The following DAPK1 variants were observed in gnomAD, a reference collection of about 807,000 sequenced individuals.
DAPK1 encodes death associated protein kinase 1, also known as death-associated protein kinase 1.
Under a neutral mutation model 144.9 loss-of-function variants are expected in DAPK1, and 56 were observed. The observed-to-expected ratio is 0.39, with a 90% CI of 0.31 to 0.48. The LOEUF is 0.48. Ranked by LOEUF, DAPK1 falls within the 20% of genes least tolerant of loss-of-function variation. The pLI is 0.95. For missense variants in DAPK1, 1,454 were observed against 1,875.4 expected (o/e 0.78, Z 4.15); for synonymous variants, 690 against 749.0 (o/e 0.92, Z 1.29).
chr9:87,567,194 C>T (rs1827160784), intron 2 of DAPK1, among the ~76,000 whole-genome samples: 1 of 152,198 alleles, frequency 6.6e-6, no homozygotes, highest in South Asian at 2.1e-4. Flanking sequence ...CTTGGCCTCT[C>T]CTCCCGTGGT....
rs574541203 is a variant in DAPK1, at chr9:87,535,422, G to A, written c.62+36283G>A. 3.3e-5 allele frequency among the ~76,000 whole-genome samples: 5 copies of A among 152,244 alleles called. No homozygotes were observed. The South Asian group carries it at 1.0e-3, about 32-fold the overall frequency. On this transcript the variant is annotated intron_variant, in intron 2 of 25. Coordinates refer to ENST00000408954, the MANE Select transcript of DAPK1 (RefSeq NM_004938.4). ...ATATTGAATTACATAAAAATTATAA[G>A]CCCTGCTAAGCTTTGAGTGTGATTA...
intron 11 of DAPK1, among the ~76,000 whole-genome samples, chr9:87,644,775 G>A (rs894893269): frequency 6.6e-6 from 1 of 152,192 alleles, no homozygotes; most frequent in African/African-American, 2.4e-5. Context: ...CAAGGGTCTT[G>A]TAGGAGCTCC....
At position 87,707,162 on chromosome 9, in the gene DAPK1, A is replaced by G; in HGVS notation, c.4091A>G (p.Glu1364Gly). ...LPSPLHALLR[E>G]WTTYPESTVG... ...AGCCCCCTCCACGCCCTGCTGCGGG[A>G]ATGGACCACCTACCCTGAGAGCACA... Residue 1364 changes from glutamate (E) to glycine (G), a missense_variant, in exon 26 of 26, where the codon GAA (glutamate) becomes GGA (glycine). This residue lies in a region of DAPK1 where 1,025 missense variants were observed against 1,237.9 expected (regional missense o/e 0.83). Coordinates refer to ENST00000408954, the MANE Select transcript of DAPK1 (RefSeq NM_004938.4). This position sits in a 1 kb window ranked among gnomAD's most constrained non-coding sequence, Gnocchi z 4.0. 1 of 1,613,626 alleles carries G rather than the reference A, an allele frequency of 6.2e-7. No homozygotes were observed. Among genetic ancestry groups the G allele is most frequent in the Non-Finnish European group, 8.5e-7 (1 of 1,179,634 alleles).
intron 2 of DAPK1, among the ~76,000 whole-genome samples, chr9:87,501,445 T>C (rs1275253171): frequency 6.6e-6 from 1 of 152,168 alleles, no homozygotes; most frequent in Non-Finnish European, 1.5e-5. Flanking sequence ...TTTGGGAGGC[T>C]GAGGCATGAG....
intron 21 of DAPK1, among the ~76,000 whole-genome samples, chr9:87,689,983 T>C (rs576286310): frequency 6.6e-6 from 1 of 152,288 alleles, no homozygotes; most frequent in East Asian, 1.9e-4. Flanking sequence ...CTTTGGCTGT[T>C]TGGCCACTGT....
intron 2 of DAPK1, among the ~76,000 whole-genome samples, chr9:87,598,383 G>C (rs1033887854): frequency 6.6e-6 from 1 of 152,132 alleles, no homozygotes; most frequent in African/African-American, 2.4e-5. Context: ...AGAATTCATC[G>C]TAATACTAGT....
At position 87,706,180 on chromosome 9, in the gene DAPK1, C is replaced by G. The variant is rs757537404; in HGVS notation, c.3109C>G (p.Pro1037Ala). 1.2e-6 allele frequency: 2 copies of G among 1,609,652 alleles called. No individual in the cohort carries two copies. Among genetic ancestry groups the G allele is most frequent in the South Asian group, 2.2e-5 (2 of 90,938 alleles). ...ETVQDVLLLD[P>A]RWLCTNVLGK... ...AGTTCAGGACGTGCTGCTCCTGGACCCCCGCTGGCTCTGCACAAACGTCCT... is the reference window on the plus strand; with the variant it reads ...AGTTCAGGACGTGCTGCTCCTGGACGCCCGCTGGCTCTGCACAAACGTCCT... Residue 1037 changes from proline (P) to alanine (A), a missense_variant, in exon 26 of 26, where the codon CCC (proline) becomes GCC (alanine). This residue lies in a region of DAPK1 where 1,025 missense variants were observed against 1,237.9 expected (regional missense o/e 0.83). Coordinates refer to ENST00000408954, the MANE Select transcript of DAPK1 (RefSeq NM_004938.4). The surrounding 1 kb of genome is among the most constrained non-coding windows in gnomAD (Gnocchi z 9.0).
At chr9:87,632,613 A>G in intron 3 of DAPK1, 1 of 980,724 alleles carries the variant, frequency 1.0e-6, no homozygotes, top group Non-Finnish European at 1.2e-6. Flanking sequence ...TATAGGAATG[A>G]AGGGTGATCA....
At chr9:87,627,420 C>T (rs1327496407) in intron 3 of DAPK1, among the ~76,000 whole-genome samples, 2 of 152,140 alleles carry the variant, frequency 1.3e-5, no homozygotes, top group Non-Finnish European at 2.9e-5. Flanking sequence ...GCTTATAAAT[C>T]GCAGGGTTCT....
chr9:87,661,092 C>A (rs1488370689), intron 18 of DAPK1, among the ~76,000 whole-genome samples: 1 of 152,244 alleles, frequency 6.6e-6, no homozygotes, highest in Non-Finnish European at 1.5e-5. Flanking sequence ...CCCACCTTGG[C>A]CTCCCAAAGT....
chr9:87,629,470 T>A (rs891349194), intron 3 of DAPK1, among the ~76,000 whole-genome samples: 5 of 152,250 alleles, frequency 3.3e-5, no homozygotes, highest in African/African-American at 1.2e-4. Context: ...ACTTTGTTAG[T>A]GTGGCTCCGG....
At chr9:87,588,949 T>A (rs2118869709) in intron 2 of DAPK1, among the ~76,000 whole-genome samples, 1 of 151,854 alleles carries the variant, frequency 6.6e-6, no homozygotes. Flanking sequence ...AGTGCGGTGG[T>A]GCAATCTCAG....
chr9:87,673,912 T>C (rs1339084351), intron 19 of DAPK1, among the ~76,000 whole-genome samples: 1 of 152,156 alleles, frequency 6.6e-6, no homozygotes, highest in Non-Finnish European at 1.5e-5. Flanking sequence ...AGGGAAGTTG[T>C]ACCTTCTACT....
chr9:87,527,469 G>A lies in DAPK1; in HGVS notation c.62+28330G>A, dbSNP rs764941669. ...ACCGGCCTTACACGGATGACCATGCGCTGTACAGGGAATGCCAGGGCTGGC... is the reference window on the plus strand; with the variant it reads ...ACCGGCCTTACACGGATGACCATGCACTGTACAGGGAATGCCAGGGCTGGC... On this transcript the variant is annotated intron_variant, in intron 2 of 25. Transcript: ENST00000408954. 4.6e-5 allele frequency among the ~76,000 whole-genome samples: 7 copies of A among 152,130 alleles called. No individual in the cohort carries two copies. The South Asian group carries it at 8.3e-4, about 18-fold the overall frequency.
At chr9:87,567,884 A>G (rs1031351005) in intron 2 of DAPK1, among the ~76,000 whole-genome samples, 8 of 152,178 alleles carry the variant, frequency 5.3e-5, no homozygotes, top group Non-Finnish European at 1.0e-4. Flanking sequence ...CATCATTTCC[A>G]AATGCTTTCG....
At chr9:87,671,075 G>A (rs535417594) in intron 19 of DAPK1, among the ~76,000 whole-genome samples, 3 of 152,348 alleles carry the variant, frequency 2.0e-5, no homozygotes, top group Admixed American at 2.0e-4. Context: ...GGTCGGATCG[G>A]TGGTGGGTGG....
chr9:87,629,941 G>C (rs1829613229), intron 3 of DAPK1, among the ~76,000 whole-genome samples: 1 of 152,098 alleles, frequency 6.6e-6, no homozygotes, highest in African/African-American at 2.4e-5. Context: ...ACGTGCCTGT[G>C]AACAGTCCAC....
At chr9:87,606,709 T>TCCTC (rs1828737373) in intron 3 of DAPK1, among the ~76,000 whole-genome samples, 2 of 73,764 alleles carry the variant, frequency 2.7e-5, no homozygotes, top group South Asian at 5.8e-4. Context: ...CTTCCTTCCT[T>TCCTC]CCTCCCTCTC....
At chr9:87,565,212 C>G (rs1489367317) in intron 2 of DAPK1, among the ~76,000 whole-genome samples, 1 of 151,956 alleles carries the variant, frequency 6.6e-6, no homozygotes, top group Non-Finnish European at 1.5e-5. Context: ...GGAGGGCAAA[C>G]AGTTGAGAGC....
Sources: gnomAD v4.1 joint callset for allele counts (sites outside exome capture counted in the v4.1 genomes callset) on GRCh38, gnomAD v4.1.1 for gene constraint, gnomAD v4.1.1 regional missense constraint, Gnocchi (gnomAD v3.1) non-coding constraint, MANE v1.5 for transcripts, NCBI Gene and HGNC (gene_info 2026-07-23, HGNC 2026-07-21) for gene names.